Variants in SLC22A25 observed in about 807,000 individuals in gnomAD.
The protein encoded by SLC22A25 is solute carrier family 22 member 25, also known as MGI:2442751, MGI:2385316, MGI:3042283, MGI:3645714, MGI:3605624, MGI:2442750.
SLC22A25 carries 44 observed loss-of-function variants against 45.9 expected under a neutral mutation model. The observed-to-expected ratio is 0.96, with a 90% CI of 0.75 to 1.23. The LOEUF is 1.23. Among genes scored for constraint, SLC22A25 ranks in the 50% most tolerant of loss-of-function variants. The pLI is 0.00. For synonymous variants in SLC22A25, 283 were observed against 238.6 expected (o/e 1.19, Z -1.72); for missense variants, 800 against 666.4 (o/e 1.20, Z -2.21).
chr11:63,231,911 T>C (rs1590916027), intron 3 of SLC22A25, among the ~76,000 whole-genome samples: 1 of 152,234 alleles, frequency 6.6e-6, no homozygotes, highest in East Asian at 1.9e-4. Flanking sequence ...ATTTCTTGTT[T>C]TTGTCAGGTT....
chr11:63,159,292 A>G lies in SLC22A25; in HGVS notation c.*4532T>C, dbSNP rs2087517213. Among the ~76,000 whole-genome samples the G allele has an allele frequency of 6.6e-6, 1 of 151,814 alleles. No individual in the cohort carries two copies. The highest frequency in any genetic ancestry group is 1.5e-5 in the Non-Finnish European group (1 of 67,948). Reference sequence around the variant, plus strand: ...TATGCCTTTGATATGATTTGGCTGCACCCCCACCCAAATCTCATCTTGAAT... The same window carrying G: ...TATGCCTTTGATATGATTTGGCTGCGCCCCCACCCAAATCTCATCTTGAAT... On this transcript the variant is annotated 3_prime_UTR_variant, in exon 12 of 12. Coordinates refer to ENST00000306494, the MANE Select transcript of SLC22A25 (RefSeq NM_199352.6).
intron 7 of SLC22A25, among the ~76,000 whole-genome samples, chr11:63,186,995 T>C (rs1201923604): frequency 6.6e-6 from 1 of 152,162 alleles, no homozygotes; most frequent in African/African-American, 2.4e-5. Context: ...TCCCGCTTTG[T>C]TCTTTTGGCT....
At chr11:63,176,414 G>A (rs555509290) in intron 9 of SLC22A25, among the ~76,000 whole-genome samples, 3 of 151,790 alleles carry the variant, frequency 2.0e-5, no homozygotes, top group Non-Finnish European at 4.4e-5. Flanking sequence ...CAGTGTACAA[G>A]TCTTTTGCCT....
At chr11:63,174,513 C>T (rs2088014797) in intron 9 of SLC22A25, among the ~76,000 whole-genome samples, 2 of 152,106 alleles carry the variant, frequency 1.3e-5, no homozygotes, top group South Asian at 4.1e-4. Flanking sequence ...CCAGGTAAAA[C>T]ACGTATCCTG....
In SLC22A25 at chr11:63,164,046, G is replaced by A; in HGVS notation, c.1422C>T (p.Asn474=). 6.2e-7 allele frequency: 1 copy of A among 1,607,384 alleles called. No individual in the cohort carries two copies. The highest frequency in any genetic ancestry group is 8.5e-7 in the Non-Finnish European group (1 of 1,176,744). Residue 474 remains asparagine, a synonymous_variant, in exon 12 of 12, where the codon AAC becomes AAT. Coordinates refer to ENST00000306494, the MANE Select transcript of SLC22A25 (RefSeq NM_199352.6). ...IRGRATGITG[N]FANIGGALAS... ...CCAGGGCTCCCCCAATATTAGCAAA[G>A]TTTCCAGTGATTCCAGTAGCTCTTC...
chr11:63,163,942 C>G lies in SLC22A25; in HGVS notation c.1526G>C (p.Gly509Ala). The G allele has an allele frequency of 6.2e-7, 1 of 1,613,834 alleles. No homozygotes were observed. The highest frequency in any genetic ancestry group is 1.3e-5 in the African/African-American group (1 of 74,956). ...TTCAGGAAGGAGGAGGACAACAAGGCCAGAGAGGATGGCAAAGACTCCATA... is the reference window on the plus strand; with the variant it reads ...TTCAGGAAGGAGGAGGACAACAAGGGCAGAGAGGATGGCAAAGACTCCATA... ...IIYGVFAILS[G>A]LVVLLLPETR... Residue 509 changes from glycine (G) to alanine (A), a missense_variant, in exon 12 of 12, where the codon GGC (glycine) becomes GCC (alanine). Coordinates refer to ENST00000306494, the MANE Select transcript of SLC22A25 (RefSeq NM_199352.6).
Position 63,183,804 on chromosome 11 carries a change from ACT to A in SLC22A25, c.842_843del (p.Glu281ValfsTer19). The A allele has an allele frequency of 2.5e-6, 4 of 1,612,924 alleles. No individual in the cohort carries two copies. The highest frequency in any genetic ancestry group is 3.4e-6 in the Non-Finnish European group (4 of 1,179,280). ...VFFLFSRWLA[E>X]SARWLIINNK... ...TTGTTGATAATGAGCCACCGAGCAG[ACT>A]CTGCCAGCCACCTGAGCAAAGAAGA... On this transcript the variant is annotated frameshift_variant, in exon 8 of 12. Coordinates refer to ENST00000306494, the MANE Select transcript of SLC22A25 (RefSeq NM_199352.6). LOFTEE classifies it high-confidence loss of function.
intron 5 of SLC22A25, among the ~76,000 whole-genome samples, chr11:63,218,897 T>C (rs540147290): frequency 5.9e-5 from 9 of 152,234 alleles, no homozygotes; most frequent in East Asian, 1.9e-4. Context: ...GCCAGAAAGA[T>C]AATAAAAAGC....
chr11:63,224,467 T>G (rs187609614), intron 5 of SLC22A25, among the ~76,000 whole-genome samples: 288 of 152,224 alleles, frequency 1.9e-3, no homozygotes, highest in Non-Finnish European at 2.6e-3. Context: ...CCTGCCATTG[T>G]GTTATTTATT....
At chr11:63,187,890 G>T (rs2088625452) in intron 7 of SLC22A25, among the ~76,000 whole-genome samples, 1 of 152,214 alleles carries the variant, frequency 6.6e-6, no homozygotes, top group Admixed American at 6.5e-5. Context: ...TCCCAGGGAT[G>T]TAGCCCACTT....
chr11:63,220,110 AC>A, intron 5 of SLC22A25: 2 of 914,042 alleles, frequency 2.2e-6, no homozygotes, highest in Non-Finnish European at 3.1e-6. Flanking sequence ...TAGATTACTT[AC>A]CTTTTGTTGT....
intron 7 of SLC22A25, 120 bp downstream of exon 7, chr11:63,217,194 C>T: frequency 9.0e-7 from 1 of 1,107,702 alleles, no homozygotes; most frequent in Non-Finnish European, 1.2e-6. Flanking sequence ...GCATATTTAG[C>T]ACAGATTAGG....
rs2087516325 is a variant in SLC22A25, at chr11:63,159,073, A to G, written c.*4751T>C. On this transcript the variant is annotated 3_prime_UTR_variant, in exon 12 of 12. Transcript: ENST00000306494. Reference sequence around the variant, plus strand: ...TCTCCAGTTCCATCCATGTTGCTGCAAATGACAGGATCTCATTCTTTATTT... The same window carrying G: ...TCTCCAGTTCCATCCATGTTGCTGCGAATGACAGGATCTCATTCTTTATTT... Among the ~76,000 whole-genome samples the G allele has an allele frequency of 6.6e-6, 1 of 152,220 alleles. No individual in the cohort carries two copies. Among genetic ancestry groups the G allele is most frequent in the African/African-American group, 2.4e-5 (1 of 41,456 alleles).
chr11:63,172,797 A>G (rs2087937607), intron 9 of SLC22A25, among the ~76,000 whole-genome samples: 1 of 152,122 alleles, frequency 6.6e-6, no homozygotes, highest in African/African-American at 2.4e-5. Flanking sequence ...AACCATGTGG[A>G]AGACAGTGTG....
intron 7 of SLC22A25, among the ~76,000 whole-genome samples, chr11:63,205,329 T>G (rs1015370682): frequency 6.6e-6 from 1 of 151,070 alleles, no homozygotes; most frequent in African/African-American, 2.4e-5. Flanking sequence ...AAATGAGAGA[T>G]AGAACCATGA....
rs778424972 is a variant in SLC22A25, at chr11:63,229,601, T to C, written c.52A>G (p.Ile18Val). 3 of 1,612,922 alleles carry C rather than the reference T, an allele frequency of 1.9e-6. No individual in the cohort carries two copies. In the African/African-American group the frequency reaches 4.0e-5, roughly 22 times the overall value. The change falls in exon 4 of 12, where the codon ATC becomes GTC. Residue 18 changes from isoleucine (I) to valine (V), a missense_variant. Physicochemically the swap from Ile to Val is conservative, Grantham distance 29. Coordinates refer to ENST00000306494, the MANE Select transcript of SLC22A25 (RefSeq NM_199352.6). ...ATTATAAGGAAAACCATCTGAAGGA[T>C]CTGGAATCTCCCCAGGCCTCCAACT... ...DQVGGLGRFQ[I>V]LQMVFLIMFN...
chr11:63,230,698 C>A (rs1328247832), intron 3 of SLC22A25, among the ~76,000 whole-genome samples: 1 of 152,116 alleles, frequency 6.6e-6, no homozygotes, highest in Non-Finnish European at 1.5e-5. Context: ...ATGTGCACAA[C>A]GTGCAGATTT....
intron 7 of SLC22A25, among the ~76,000 whole-genome samples, chr11:63,194,890 C>CAAAAAAAAAAAAAAAAAAAAAAAAAAA (rs796301840): frequency 2.9e-5 from 1 of 34,626 alleles, no homozygotes; most frequent in Non-Finnish European, 6.2e-5. Flanking sequence ...AAATGGAAAG[C>CAAAAAAAAAAAAAAAAAAAAAAAAAAA]AAAAAAAAAA....
intron 3 of SLC22A25, among the ~76,000 whole-genome samples, chr11:63,233,900 A>G (rs2090116848): frequency 6.6e-6 from 1 of 151,932 alleles, no homozygotes; most frequent in African/African-American, 2.4e-5. Flanking sequence ...TGTACCCAGT[A>G]GTCATTCAGG....
Sources: allele counts gnomAD v4.1 joint callset (sites outside exome capture counted in the v4.1 genomes callset), GRCh38; gene constraint gnomAD v4.1.1; transcripts MANE v1.5; gene names NCBI Gene and HGNC (gene_info 2026-07-23, HGNC 2026-07-21).